NECTIN3: variants seen among roughly 807,000 people sequenced by gnomAD.
NECTIN3 encodes the protein nectin-3.
Under a neutral mutation model 49.4 loss-of-function variants are expected in NECTIN3, and 8 were observed. That is an observed-to-expected ratio of 0.16 (90% CI 0.10 to 0.29). The LOEUF is 0.29. NECTIN3 is among the 10% of genes least tolerant of loss of function. NECTIN3 has a pLI of 1.00. For synonymous variants in NECTIN3, 277 were observed against 241.1 expected, an observed-to-expected ratio of 1.15 and a Z score of -1.38; for missense variants, 581 against 654.6, an observed-to-expected ratio of 0.89 and a Z score of 1.23.
At chr3:111,190,887 GAAC>G (rs1489796645), upstream of NECTIN3, among the ~76,000 whole-genome samples, 1 of 152,122 alleles carries the variant, frequency 6.6e-6, no homozygotes, top group Non-Finnish European at 1.5e-5. Context: ...ATAAAAACAA[GAAC>G]AATAGGAAAA....
At position 111,136,318 on chromosome 3, in the gene NECTIN3, TC is replaced by T; in HGVS notation, c.*2105del. ...AAAATATAAATACTGATTATGAACT[TC>T]CTTTTACATTGTGGTTATTTGTGCG... On this transcript the variant is annotated 3_prime_UTR_variant, in exon 6 of 6. Transcript: ENST00000485303. 6 of 983,250 alleles carry T rather than the reference TC, an allele frequency of 6.1e-6. No homozygotes were observed. The highest frequency in any genetic ancestry group is 7.2e-6 in the Non-Finnish European group (6 of 828,068). 60.9% of individuals were successfully genotyped at this position (983,250 alleles called of 1,614,324 possible). A position where few individuals can be genotyped will look rare whatever the true frequency, so the allele number is the denominator to read the frequency against.
At chr3:111,120,279 A>G (rs554382210) in intron 3 of NECTIN3, among the ~76,000 whole-genome samples, 13 of 151,844 alleles carry the variant, frequency 8.6e-5, no homozygotes, top group African/African-American at 3.1e-4. Context: ...TCTTAGATAT[A>G]TTTCTTCTAA....
intron 1 of NECTIN3, among the ~76,000 whole-genome samples, chr3:111,079,695 CT>C (rs1034300747): frequency 2.0e-5 from 3 of 151,696 alleles, no homozygotes; most frequent in African/African-American, 7.3e-5. Context: ...CATAAGCCTG[CT>C]TATGTTAATG....
rs1240690449 is a variant in NECTIN3, at chr3:111,072,120, A to G, written c.103A>G (p.Thr35Ala). The change falls in exon 1 of 6, where the codon ACG becomes GCG. Residue 35 changes from threonine (T) to alanine (A), a missense_variant. Thr to Ala is a moderately conservative substitution (Grantham distance 58). Transcript: ENST00000485303. ...LGAGLLLQPP[T>A]PPPLLLLLFP... The stretch of plus-strand genomic sequence containing the variant: ...AGCCGGGCTCCTGCTGCAGCCCCCG[A>G]CGCCACCTCCGCTGCTGCTGCTGCT... 1 of 1,549,466 alleles carries G rather than the reference A, an allele frequency of 6.5e-7. No homozygotes were observed. The highest frequency in any genetic ancestry group is 1.4e-5 in the African/African-American group (1 of 72,830).
chr3:111,145,764 A>T (rs1007377539), intron 6 of NECTIN3, among the ~76,000 whole-genome samples: 8 of 152,186 alleles, frequency 5.3e-5, no homozygotes, highest in African/African-American at 1.9e-4. Flanking sequence ...TACAAACGGC[A>T]TTATTTCTTA....
At chr3:111,145,371 T>G (rs1249310035) in intron 6 of NECTIN3, among the ~76,000 whole-genome samples, 3 of 152,210 alleles carry the variant, frequency 2.0e-5, no homozygotes, top group Non-Finnish European at 4.4e-5. Context: ...GAAGGACATA[T>G]AAAAATATCT....
intron 6 of NECTIN3, chr3:111,147,327 G>C: frequency 7.9e-6 from 9 of 1,141,554 alleles, no homozygotes; most frequent in Non-Finnish European, 1.1e-5. Context: ...CAAAACTTAT[G>C]AGAACCTTGA....
At chr3:111,073,479 A>T (rs2030950295) in intron 1 of NECTIN3, 1 of 152,274 alleles carries the variant, frequency 6.6e-6, no homozygotes, top group Non-Finnish European at 1.5e-5. Context: ...TGATTTACAC[A>T]GAGTATAGTA....
chr3:111,119,633 T>C (rs2033858864), intron 3 of NECTIN3, among the ~76,000 whole-genome samples: 1 of 152,232 alleles, frequency 6.6e-6, no homozygotes, highest in African/African-American at 2.4e-5. Context: ...TGTGGCCTTA[T>C]TTTCTTTGTC....
chr3:111,077,316 T>C, intron 1 of NECTIN3: 1 of 257,172 alleles, frequency 3.9e-6, no homozygotes, highest in Non-Finnish European at 8.3e-6. Flanking sequence ...GAGCCATGTG[T>C]AAAAAACTTT....
intron 1 of NECTIN3, among the ~76,000 whole-genome samples, chr3:111,088,443 G>A (rs1481972370): frequency 6.6e-6 from 1 of 152,076 alleles, no homozygotes; most frequent in African/African-American, 2.4e-5. Flanking sequence ...AACACAAAAT[G>A]GGCTAAAGCA....
At chr3:111,119,776 G>A (rs549090015) in intron 3 of NECTIN3, among the ~76,000 whole-genome samples, 15 of 152,198 alleles carry the variant, frequency 9.9e-5, no homozygotes, top group Non-Finnish European at 1.8e-4. Flanking sequence ...CAAAGATAAT[G>A]AAAATTAGGA....
At chr3:111,158,933 A>G (rs2035152630) in intron 7 of NECTIN3, among the ~76,000 whole-genome samples, 2 of 152,182 alleles carry the variant, frequency 1.3e-5, no homozygotes, top group Admixed American at 1.3e-4. Context: ...ATATTTATTT[A>G]GACTTTTTGT....
intron 1 of NECTIN3, among the ~76,000 whole-genome samples, chr3:111,089,544 G>A (rs1405219247): frequency 2.0e-5 from 3 of 151,952 alleles, no homozygotes; most frequent in East Asian, 1.9e-4. Context: ...TTTCCGTGTC[G>A]TCTTTTTGAC....
chr3:111,084,331 C>T (rs1355216228), intron 1 of NECTIN3, among the ~76,000 whole-genome samples: 1 of 151,982 alleles, frequency 6.6e-6, no homozygotes, highest in African/African-American at 2.4e-5. Flanking sequence ...TGAAATGATT[C>T]AGTATTGAAG....
chr3:111,078,103 T>G (rs1441381061), intron 1 of NECTIN3, among the ~76,000 whole-genome samples: 11 of 152,230 alleles, frequency 7.2e-5, no homozygotes, highest in Admixed American at 7.2e-4. Context: ...CAATTTGGAC[T>G]AGCCACATTT....
At chr3:111,148,883 T>TTTGCTTGTATTTGTTGGAAG (rs1455139137) in intron 7 of NECTIN3, among the ~76,000 whole-genome samples, 14 of 152,266 alleles carry the variant, frequency 9.2e-5, no homozygotes, top group Admixed American at 7.2e-4. Context: ...TGTTTGTCTC[T>TTTGCTTGTATTTGTTGGAAG]TTGCTTGTAT....
chr3:111,083,351 T>C (rs2031741884), intron 1 of NECTIN3, among the ~76,000 whole-genome samples: 1 of 152,118 alleles, frequency 6.6e-6, no homozygotes. Context: ...ACCCTCAATG[T>C]GATGGTGTTA....
chr3:111,105,923 G>A (rs1269806685), intron 1 of NECTIN3, among the ~76,000 whole-genome samples: 1 of 150,402 alleles, frequency 6.6e-6, no homozygotes, highest in Non-Finnish European at 1.5e-5. Context: ...TTCAAATCAA[G>A]CTTTTATTCT....
Sources: allele counts gnomAD v4.1 joint callset (sites outside exome capture counted in the v4.1 genomes callset), GRCh38; gene constraint gnomAD v4.1.1; transcripts MANE v1.5; gene names NCBI Gene and HGNC (gene_info 2026-07-23, HGNC 2026-07-21).